The following SAG variants were observed in gnomAD, a reference collection of about 807,000 sequenced individuals.
The protein encoded by SAG is S-antigen visual arrestin, also known as S-arrestin.
Under a neutral mutation model 55.0 loss-of-function variants are expected in SAG, and 45 were observed. The ratio of observed to expected loss-of-function variants is 0.82; its 90% CI spans 0.64 to 1.05. SAG has a LOEUF of 1.05. SAG is among the 50% of genes least tolerant of loss of function. The pLI is 0.00. For missense variants in SAG, 455 were observed against 512.1 expected (o/e 0.89, Z 1.08); for synonymous variants, 189 against 197.4 (o/e 0.96, Z 0.36).
chr2:233,316,293 ATTTATTTTTATT>A (rs533170620), intron 3 of SAG, among the ~76,000 whole-genome samples, 158 bp downstream of exon 3: 78 of 152,058 alleles, frequency 5.1e-4, no homozygotes, highest in African/African-American at 1.5e-3. Context: ...AAACAATTTT[ATTTATTTTTATT>A]TTTATTTTTA....
intron 14 of SAG, 115 bp from the exon 15 acceptor site, chr2:233,346,288 T>C (rs1336590510): frequency 2.6e-6 from 3 of 1,149,360 alleles, no homozygotes; most frequent in Non-Finnish European, 3.9e-6. Flanking sequence ...ATCTCTCAAA[T>C]TGTAAAGTCA....
At chr2:233,332,818 C>A (rs1700809485) in intron 10 of SAG, 1 of 152,222 alleles carries the variant, frequency 6.6e-6, no homozygotes, top group Admixed American at 6.6e-5. Context: ...CACGCCACCA[C>A]CCCTGGCTAA....
At chr2:233,342,121 C>CT (rs1701123459) in intron 13 of SAG, 150 bp from the exon 14 acceptor site, 3 of 546,638 alleles carry the variant, frequency 5.5e-6, no homozygotes, top group Non-Finnish European at 9.6e-6. Context: ...GAGACTCCAT[C>CT]TCAAAAAAAA....
In SAG at chr2:233,329,506, G is replaced by C. The variant is rs370164923; in HGVS notation, c.662G>C (p.Gly221Ala). 1.5e-5 allele frequency: 24 copies of C among 1,611,966 alleles called. No individual in the cohort carries two copies. In the African/African-American group the frequency reaches 3.1e-4, roughly 21 times the overall value. Residue 221 changes from glycine (G) to alanine (A), a missense_variant, in exon 9 of 16, where the codon GGG becomes GCG. By Grantham distance (60) the Gly-to-Ala change is moderately conservative (BLOSUM62 0). Coordinates refer to ENST00000409110, the MANE Select transcript of SAG (RefSeq NM_000541.5). ...TGACTTTTCTAGATCTATTTCCATG[G>C]GGAGCCCATCCCTGTGACCGTGACT... ...VSLNKEIYFHGEPIPVTVTVT... is the reference protein window; with the variant it reads ...VSLNKEIYFHAEPIPVTVTVT...
chr2:233,328,706 T>C lies in SAG; in HGVS notation c.648+93T>C, dbSNP rs1700652664. 1.3e-5 allele frequency: 18 copies of C among 1,345,190 alleles called. No individual in the cohort carries two copies. The South Asian group carries it at 2.0e-4, about 15-fold the overall frequency. The allele number at this position is 1,345,190 out of a possible 1,614,324, so 83.3% of individuals were successfully genotyped here. ...TCACCAGCCCCAGCCCTTAACTACA[T>C]GGGTGCCTTGCAAGGAAGCTTGTTT... On this transcript the variant is annotated intron_variant, in intron 8 of 15. Transcript: ENST00000409110.
At chr2:233,337,052 T>C (rs1355349721) in intron 11 of SAG, among the ~76,000 whole-genome samples, 1 of 151,144 alleles carries the variant, frequency 6.6e-6, no homozygotes, top group African/African-American at 2.4e-5. Context: ...CCTATGATCA[T>C]GCCATTGCAT....
At chr2:233,327,948 C>T (rs1700620355) in intron 7 of SAG, 1 of 152,920 alleles carries the variant, frequency 6.5e-6, no homozygotes, top group Admixed American at 6.5e-5. Flanking sequence ...TTCCCATTGC[C>T]TGAGCAGGAA....
chr2:233,320,968 G>T (rs760433176), intron 5 of SAG, 145 bp downstream of exon 5: 67 of 670,836 alleles, frequency 1.0e-4, no homozygotes, highest in Non-Finnish European at 1.5e-4. Context: ...AGATTGCATG[G>T]TCTGTGATTG....
At chr2:233,321,564 A>G (rs1700380934) in intron 5 of SAG, among the ~76,000 whole-genome samples, 1 of 152,184 alleles carries the variant, frequency 6.6e-6, no homozygotes, top group African/African-American at 2.4e-5. Flanking sequence ...AATCAGATTC[A>G]TACAGACAGA....
chr2:233,338,184 G>C (rs932210340), intron 11 of SAG, among the ~76,000 whole-genome samples: 1 of 152,200 alleles, frequency 6.6e-6, no homozygotes, highest in African/African-American at 2.4e-5. Context: ...CTGGGACACA[G>C]CTGGGGGTGA....
At chr2:233,322,015 ACAC>A (rs1700396319) in intron 5 of SAG, among the ~76,000 whole-genome samples, 1 of 149,974 alleles carries the variant, frequency 6.7e-6, no homozygotes, top group Non-Finnish European at 1.5e-5. Context: ...ACACACACAC[ACAC>A]ACACACACAC....
At chr2:233,312,403 A>G (rs1263989048) in intron 2 of SAG, among the ~76,000 whole-genome samples, 1 of 152,194 alleles carries the variant, frequency 6.6e-6, no homozygotes, top group Non-Finnish European at 1.5e-5. Flanking sequence ...CTTCTATAAA[A>G]TGGGCTGCAT....
chr2:233,307,916 C>T lies in SAG; in HGVS notation c.-135C>T, dbSNP rs1211601928. 2 of 152,390 alleles carry T rather than the reference C, an allele frequency of 1.3e-5. No individual in the cohort carries two copies. The highest frequency in any genetic ancestry group is 1.3e-4 in the Admixed American group (2 of 15,286). The allele number at this position is 152,390 out of a possible 1,614,324, so 9.4% of individuals were successfully genotyped here. A position where few individuals can be genotyped will look rare whatever the true frequency, so the allele number is the denominator to read the frequency against. ...GCCCCTTCAGGCTCATCTGGCAAGACGGTACCAGCTTGCTCAGAACAGGGG... is the reference window on the plus strand; with the variant it reads ...GCCCCTTCAGGCTCATCTGGCAAGATGGTACCAGCTTGCTCAGAACAGGGG... On this transcript the variant is annotated 5_prime_UTR_variant, in exon 1 of 16. In the 5' UTR this introduces an upstream ATG that the reference lacks. Transcript: ENST00000409110.
chr2:233,328,278 A>C (rs1700634747), intron 7 of SAG, 200 bp from the exon 8 acceptor site: 1 of 533,596 alleles, frequency 1.9e-6, no homozygotes, highest in African/African-American at 1.9e-5. Context: ...CAGGGAAGGG[A>C]CCAGGACCCA....
At chr2:233,329,371 C>T in intron 8 of SAG, 122 bp from the exon 9 acceptor site, 1 of 687,586 alleles carries the variant, frequency 1.5e-6, no homozygotes, top group Admixed American at 2.4e-5. Flanking sequence ...ATCACTTCAT[C>T]TTCCTTAAAT....
chr2:233,335,127 C>A, intron 11 of SAG, 28 bp downstream of exon 11: 1 of 1,598,754 alleles, frequency 6.3e-7, no homozygotes, highest in African/African-American at 1.3e-5. Flanking sequence ...AGGGAATAAG[C>A]CCTGGCAGGG....
intron 6 of SAG, among the ~76,000 whole-genome samples, chr2:233,324,881 G>A (rs370070257): frequency 5.3e-5 from 8 of 152,146 alleles, no homozygotes; most frequent in African/African-American, 9.7e-5. Context: ...TTAGTGGTTC[G>A]TGAAATCAAT....
chr2:233,338,715 G>T lies in SAG; in HGVS notation c.984G>T (p.Leu328=). ...EGIDRTVLGI[L]VSYQIKVKLT... ...TAGACCGGACCGTCCTGGGAATCCT[G>T]GTGTCTTACCAGATCAAGGTGAAGC... is the stretch of plus-strand genomic sequence containing the variant. Residue 328 remains leucine, a synonymous_variant, in exon 12 of 16, where the codon CTG becomes CTT. Transcript: ENST00000409110. The T allele has an allele frequency of 6.2e-7, 1 of 1,613,942 alleles. No homozygotes were observed. Among genetic ancestry groups the T allele is most frequent in the Non-Finnish European group, 8.5e-7 (1 of 1,179,864 alleles).
Position 233,340,107 on chromosome 2 carries a change from C to T in SAG, c.1023-348C>T, listed in dbSNP as rs56121794. Among the ~76,000 whole-genome samples the T allele has an allele frequency of 0.082, 12,454 of 151,990 alleles. 677 individuals are homozygous for T. Among genetic ancestry groups the T allele is most frequent in the African/African-American group, 0.15 (6,296 of 41,422 alleles). On this transcript the variant is annotated intron_variant, in intron 12 of 15. Transcript: ENST00000409110. This position sits in a 1 kb window ranked among gnomAD's most constrained non-coding sequence, Gnocchi z 4.2. Reference sequence around the variant, plus strand: ...GAGTAGCTAAGATTACAGGCGCCTGCCACCATGCCCGGCTAATTTTTGTAT... The same window carrying T: ...GAGTAGCTAAGATTACAGGCGCCTGTCACCATGCCCGGCTAATTTTTGTAT...
Sources: allele counts gnomAD v4.1 joint callset (sites outside exome capture counted in the v4.1 genomes callset), GRCh38; gene constraint gnomAD v4.1.1; non-coding constraint Gnocchi (gnomAD v3.1); transcripts MANE v1.5; gene names NCBI Gene and HGNC (gene_info 2026-07-23, HGNC 2026-07-21).